Variants in AGO3 observed in about 807,000 individuals in gnomAD.
AGO3 encodes the protein protein argonaute-3.
In AGO3, 16 loss-of-function variants were observed where a neutral mutation model predicts 105.5. The observed-to-expected ratio is 0.15, with a 90% CI of 0.10 to 0.23. The LOEUF (loss-of-function observed/expected upper bound fraction) is 0.23. Among genes scored for constraint, AGO3 ranks in the 10% least tolerant of loss-of-function variants. AGO3 has a pLI of 1.00. For missense variants in AGO3, 534 were observed against 1,088.0 expected (o/e 0.49, Z 7.16); for synonymous variants, 340 against 367.3 (o/e 0.93, Z 0.85).
intron 17 of AGO3, among the ~76,000 whole-genome samples, chr1:36,048,898 G>A (rs766814476): frequency 1.1e-4 from 16 of 152,086 alleles, no homozygotes; most frequent in Non-Finnish European, 1.9e-4. Flanking sequence ...TGTAGAGACG[G>A]GATATCACTA....
intron 11 of AGO3, among the ~76,000 whole-genome samples, chr1:36,025,667 C>A (rs1317672589): frequency 6.6e-6 from 1 of 152,134 alleles, no homozygotes; most frequent in Non-Finnish European, 1.5e-5. Flanking sequence ...CTTAGGACCT[C>A]AATTGTTTTA....
At chr1:35,990,121 C>G (rs970357000) in intron 5 of AGO3, among the ~76,000 whole-genome samples, 3 of 152,120 alleles carry the variant, frequency 2.0e-5, no homozygotes, top group Non-Finnish European at 2.9e-5. Context: ...TCTTCTGACT[C>G]CAGTGCTTAT....
At chr1:35,936,945 A>G (rs1406327934) in intron 1 of AGO3, among the ~76,000 whole-genome samples, 2 of 152,140 alleles carry the variant, frequency 1.3e-5, no homozygotes, top group South Asian at 2.1e-4. Flanking sequence ...ACATAATACT[A>G]CTTTTGAGTC....
chr1:35,985,896 A>G (rs894670677), intron 5 of AGO3, among the ~76,000 whole-genome samples: 1 of 152,240 alleles, frequency 6.6e-6, no homozygotes, highest in African/African-American at 2.4e-5. Flanking sequence ...AAAAATAGGT[A>G]GTTCTCAAAA....
intron 2 of AGO3, among the ~76,000 whole-genome samples, chr1:35,955,381 A>G (rs1192071611): frequency 6.6e-6 from 1 of 152,236 alleles, no homozygotes; most frequent in Non-Finnish European, 1.5e-5. Context: ...AAAAACTATA[A>G]TTTGTTGGCG....
upstream of AGO3, chr1:35,931,093 G>T (rs1278332838): frequency 7.6e-6 from 3 of 392,760 alleles, no homozygotes; most frequent in Admixed American, 4.4e-5. Flanking sequence ...AGCTTCCGGG[G>T]CGGCCCCGGG....
chr1:35,954,148 T>C lies in AGO3; in HGVS notation c.191+8285T>C, dbSNP rs10159101. Among the ~76,000 whole-genome samples the C allele has an allele frequency of 6.5e-3, 991 of 152,284 alleles. 9 individuals are homozygous for C. Among genetic ancestry groups the C allele is most frequent in the African/African-American group, 0.023 (942 of 41,558 alleles). ...GTGTTTAGTGATCTTGGGGAAACTA[T>C]TATACAAAATATGTCAGCTAATAAA... On this transcript the variant is annotated intron_variant, in intron 2 of 18. Transcript: ENST00000373191.
At chr1:36,054,833 G>A in intron 17 of AGO3, 113 bp from the exon 18 acceptor site, 1 of 982,224 alleles carries the variant, frequency 1.0e-6, no homozygotes, top group Non-Finnish European at 1.6e-6. Flanking sequence ...AGTGATCTGA[G>A]ATCACGCCAT....
At chr1:35,997,050 G>A (rs959262058) in intron 5 of AGO3, among the ~76,000 whole-genome samples, 1 of 152,154 alleles carries the variant, frequency 6.6e-6, no homozygotes, top group African/African-American at 2.4e-5. Context: ...TGCCTAGACA[G>A]GCAGATCGCT....
At chr1:36,028,398 C>G (rs1300115251) in intron 12 of AGO3, among the ~76,000 whole-genome samples, 44 of 109,000 alleles carry the variant, frequency 4.0e-4, no homozygotes, top group Middle Eastern at 4.6e-3. Context: ...CCCTCCCCCC[C>G]CCCCACCCCA....
chr1:36,028,707 C>T lies in AGO3; in HGVS notation c.1591+1409C>T, dbSNP rs1356737194. Among the ~76,000 whole-genome samples, 7 of 151,562 alleles carry T rather than the reference C, an allele frequency of 4.6e-5. No individual in the cohort carries two copies. The East Asian group carries it at 1.2e-3, about 25-fold the overall frequency. ...TGTGAATAATGCCGCAATAAACATACGTGTGCATGTGTCTTTATAGCAGCA... is the reference window on the plus strand; with the variant it reads ...TGTGAATAATGCCGCAATAAACATATGTGTGCATGTGTCTTTATAGCAGCA... On this transcript the variant is annotated intron_variant, in intron 12 of 18. Coordinates refer to ENST00000373191, the MANE Select transcript of AGO3 (RefSeq NM_024852.4).
chr1:35,950,388 GTAT>G (rs1646448443), intron 2 of AGO3, among the ~76,000 whole-genome samples: 1 of 152,178 alleles, frequency 6.6e-6, no homozygotes, highest in Non-Finnish European at 1.5e-5. Flanking sequence ...GTAGAAAGAT[GTAT>G]TATAGCCAAA....
intron 1 of AGO3, among the ~76,000 whole-genome samples, chr1:35,940,635 T>G (rs553787944): frequency 6.6e-6 from 1 of 152,334 alleles, no homozygotes; most frequent in African/African-American, 2.4e-5. Context: ...TTGAACTTAC[T>G]ACAGTTGGGT....
intron 5 of AGO3, chr1:35,984,413 A>G (rs1393073943): frequency 1.3e-5 from 2 of 152,340 alleles, no homozygotes; most frequent in East Asian, 3.9e-4. Context: ...AGACAAGGAT[A>G]TCAGTGCTAT....
At chr1:35,993,343 T>G (rs544743985) in intron 5 of AGO3, among the ~76,000 whole-genome samples, 1 of 152,124 alleles carries the variant, frequency 6.6e-6, no homozygotes, top group South Asian at 2.1e-4. Flanking sequence ...TGTTGGTTAT[T>G]TAAAAAAAAT....
chr1:35,945,277 A>C (rs973664880), intron 1 of AGO3, among the ~76,000 whole-genome samples: 9 of 150,800 alleles, frequency 6.0e-5, no homozygotes, highest in Admixed American at 3.3e-4. Flanking sequence ...TCGTGTTACT[A>C]TCATAGCTCA....
At chr1:36,009,373 A>G in intron 8 of AGO3, 102 bp from the exon 9 acceptor site, 4 of 1,320,796 alleles carry the variant, frequency 3.0e-6, no homozygotes, top group South Asian at 1.6e-5. Context: ...AAGTGGTTTA[A>G]TGAAGTTGAT....
chr1:35,932,779 A>T (rs1571397724), intron 1 of AGO3, among the ~76,000 whole-genome samples: 1 of 152,298 alleles, frequency 6.6e-6, no homozygotes, highest in East Asian at 1.9e-4. Flanking sequence ...TTTACTGTAC[A>T]GGAGATGTGA....
intron 2 of AGO3, among the ~76,000 whole-genome samples, chr1:35,956,088 C>T (rs1646560124): frequency 1.3e-5 from 2 of 152,118 alleles, no homozygotes; most frequent in Non-Finnish European, 2.9e-5. Flanking sequence ...CCTCATACTG[C>T]AGCATACCCC....
Sources: gnomAD v4.1 joint callset for allele counts (sites outside exome capture counted in the v4.1 genomes callset) on GRCh38, gnomAD v4.1.1 for gene constraint, MANE v1.5 for transcripts, NCBI Gene and HGNC (gene_info 2026-07-23, HGNC 2026-07-21) for gene names.